FOXP4: variants seen among roughly 807,000 people sequenced by gnomAD.
The protein encoded by FOXP4 is forkhead box protein P4.
A neutral mutation model predicts 82.6 loss-of-function variants in FOXP4; 25 were observed. That is an observed-to-expected ratio of 0.30 (90% CI 0.22 to 0.42). The LOEUF (loss-of-function observed/expected upper bound fraction) is 0.42, where lower values mean the gene tolerates loss of function less well. Among genes scored for constraint, FOXP4 ranks in the 10% least tolerant of loss-of-function variants. The probability of loss-of-function intolerance (pLI) is 1.00; values close to 1 mark genes in which losing one functional copy is unlikely to be tolerated. For missense variants in FOXP4, 785 were observed against 900.9 expected, an observed-to-expected ratio of 0.87 and a Z score of 1.65; for synonymous variants, 415 against 388.2, an observed-to-expected ratio of 1.07 and a Z score of -0.81.
chr6:41,557,162 C>T (rs762211540), intron 1 of FOXP4, among the ~76,000 whole-genome samples: 1 of 152,150 alleles, frequency 6.6e-6, no homozygotes, highest in Non-Finnish European at 1.5e-5. Context: ...TTCGACAGGG[C>T]CTGTAGTGTT....
intron 2 of FOXP4, among the ~76,000 whole-genome samples, chr6:41,571,993 A>G (rs1378005463): frequency 6.6e-6 from 1 of 152,168 alleles, no homozygotes; most frequent in African/African-American, 2.4e-5. Context: ...TCCATTGTTT[A>G]CCAGCAGTAA....
chr6:41,546,602 G>T lies in FOXP4; in HGVS notation c.-282G>T, dbSNP rs2127291504. ...TCCGGGAGCCCGGGAGCCGGAGCGA[G>T]CTGACGAGCGTCGCGGAAGGACCGG... On this transcript the variant is annotated 5_prime_UTR_variant, in exon 1 of 17. Coordinates refer to ENST00000307972, the MANE Select transcript of FOXP4 (RefSeq NM_001012426.2). 1 of 148,766 alleles carries T rather than the reference G, an allele frequency of 6.7e-6. No homozygotes were observed. The highest frequency in any genetic ancestry group is 1.5e-5 in the Non-Finnish European group (1 of 66,528). 9.2% of individuals were successfully genotyped at this position (148,766 alleles called of 1,614,324 possible).
At chr6:41,552,771 GT>G (rs1275119447) in intron 1 of FOXP4, among the ~76,000 whole-genome samples, 2 of 152,142 alleles carry the variant, frequency 1.3e-5, no homozygotes, top group African/African-American at 4.8e-5. Context: ...GCATGGCAGT[GT>G]TTAGCCACAG....
chr6:41,592,940 TC>T (rs1766602446), intron 13 of FOXP4, among the ~76,000 whole-genome samples: 1 of 152,104 alleles, frequency 6.6e-6, no homozygotes, highest in Non-Finnish European at 1.5e-5. Flanking sequence ...TAGTCTAGGG[TC>T]CAGTAAGAAG....
intron 2 of FOXP4, 53 bp from the exon 3 acceptor site, chr6:41,577,933 C>A: frequency 7.1e-7 from 1 of 1,413,726 alleles, no homozygotes; most frequent in Admixed American, 1.7e-5. Context: ...TCCCTAATCC[C>A]TGGATCCCAC....
At chr6:41,551,632 A>G (rs1469148112) in intron 1 of FOXP4, among the ~76,000 whole-genome samples, 1 of 152,210 alleles carries the variant, frequency 6.6e-6, no homozygotes, top group Non-Finnish European at 1.5e-5. Flanking sequence ...ATGTAAATGG[A>G]AAATGGGGCG....
At chr6:41,561,367 T>C (rs1224339274) in intron 1 of FOXP4, among the ~76,000 whole-genome samples, 1 of 152,150 alleles carries the variant, frequency 6.6e-6, no homozygotes, top group African/African-American at 2.4e-5. Context: ...ATGGAAAGTC[T>C]GGGGTGGGGG....
rs1767179964 is a variant in FOXP4, at chr6:41,600,716, C to CGT, written c.*1782_*1783dup. The CGT allele has an allele frequency of 6.6e-6, 1 of 152,322 alleles. No individual in the cohort carries two copies. Among genetic ancestry groups the CGT allele is most frequent in the Admixed American group, 6.5e-5 (1 of 15,276 alleles). The allele number at this position is 152,322 out of a possible 1,614,324, so 9.4% of individuals were successfully genotyped here. On this transcript the variant is annotated 3_prime_UTR_variant, in exon 17 of 17. Transcript: ENST00000307972. The stretch of plus-strand genomic sequence containing the variant: ...GGGAGCCTGGGCAGAGCAGCAGCAA[C>CGT]GTGAGGGTCGCTGTGGTGGTGGTTT...
At position 41,597,904 on chromosome 6, in the gene FOXP4, AGCAACG is replaced by A; in HGVS notation, c.1853_1858del (p.Asn618_Gly619del). 1.9e-6 allele frequency: 3 copies of A among 1,583,868 alleles called. No homozygotes were observed. Among genetic ancestry groups the A allele is most frequent in the Non-Finnish European group, 2.6e-6 (3 of 1,171,352 alleles). On this transcript the variant is annotated inframe_deletion, in exon 16 of 17. Transcript: ENST00000307972. ...GGGTGCCCCCGTGGAGCCGCTGCCC[AGCAACG>A]GCAGCAGCAGCCCTCCTCGCCTCTC... is the stretch of plus-strand genomic sequence containing the variant.
At chr6:41,572,786 G>A (rs1765274209) in intron 2 of FOXP4, among the ~76,000 whole-genome samples, 2 of 152,064 alleles carry the variant, frequency 1.3e-5, no homozygotes, top group Non-Finnish European at 2.9e-5. Flanking sequence ...CCTCCATCCT[G>A]CCCAGCCAGC....
At chr6:41,557,509 G>A (rs766740906) in intron 1 of FOXP4, among the ~76,000 whole-genome samples, 25 of 152,202 alleles carry the variant, frequency 1.6e-4, no homozygotes, top group South Asian at 2.1e-4. Flanking sequence ...AACTCTAGGG[G>A]ATTGGCTCAA....
In FOXP4 at chr6:41,588,637, C is replaced by T. The variant is rs1213247258; in HGVS notation, c.978-7C>T. The stretch of plus-strand genomic sequence containing the variant: ...CAACTTTCTCTCCTCCTCTCTTCCC[C>T]TTGAAGACACCTCAACACAGAGCAC... On this transcript the variant is annotated splice_region_variant and splice_polypyrimidine_tract_variant and intron_variant, in intron 8 of 16. Coordinates refer to ENST00000307972, the MANE Select transcript of FOXP4 (RefSeq NM_001012426.2). The T allele has an allele frequency of 3.1e-6, 5 of 1,614,044 alleles. No homozygotes were observed. The South Asian group carries it at 4.4e-5, about 14-fold the overall frequency.
At chr6:41,560,358 A>C (rs944541010) in intron 1 of FOXP4, among the ~76,000 whole-genome samples, 2 of 152,250 alleles carry the variant, frequency 1.3e-5, no homozygotes, top group Non-Finnish European at 2.9e-5. Flanking sequence ...TCAGGCTGTC[A>C]GCTGGGCCAC....
chr6:41,575,796 G>A (rs1765449468), intron 2 of FOXP4, among the ~76,000 whole-genome samples: 1 of 149,482 alleles, frequency 6.7e-6, no homozygotes, highest in Non-Finnish European at 1.5e-5. Flanking sequence ...GGGATCTGGA[G>A]TGTGTCATCT....
chr6:41,580,044 CTT>C (rs10644693), intron 3 of FOXP4, among the ~76,000 whole-genome samples: 19 of 131,874 alleles, frequency 1.4e-4, no homozygotes, highest in Non-Finnish European at 1.1e-4. Flanking sequence ...AGAACTCACA[CTT>C]TTTTTTTTTT....
Position 41,587,433 on chromosome 6 carries a change from C to G in FOXP4, c.793C>G (p.Pro265Ala). 1 of 1,572,570 alleles carries G rather than the reference C, an allele frequency of 6.4e-7. No homozygotes were observed. ...TAATATSFAA[P>A]PKVSPPLSHH... Reference sequence around the variant, plus strand: ...CGCCACCGCTACCTCGTTTGCCGCTCCCCCCAAGGTCTCACCCCCCCTCTC... The same window carrying G: ...CGCCACCGCTACCTCGTTTGCCGCTGCCCCCAAGGTCTCACCCCCCCTCTC... Residue 265 changes from proline (P) to alanine (A), a missense_variant, in exon 7 of 17, where the codon CCC becomes GCC. Pro to Ala is a conservative substitution (Grantham distance 27, BLOSUM62 -1). Around this residue, in one of 3 missense-constraint regions of FOXP4, gnomAD observed 570 missense variants for 634.0 expected, o/e 0.90. Transcript: ENST00000307972.
chr6:41,550,091 C>G (rs1257436040), intron 1 of FOXP4, among the ~76,000 whole-genome samples: 1 of 152,170 alleles, frequency 6.6e-6, no homozygotes, highest in Non-Finnish European at 1.5e-5. Flanking sequence ...GCTCCGTTGG[C>G]TGGAATGACC....
chr6:41,559,440 A>T (rs947766042), intron 1 of FOXP4, among the ~76,000 whole-genome samples: 1 of 152,210 alleles, frequency 6.6e-6, no homozygotes, highest in Non-Finnish European at 1.5e-5. Flanking sequence ...GAGAAGCATG[A>T]CTTTGTTCAT....
intron 1 of FOXP4, among the ~76,000 whole-genome samples, chr6:41,562,753 A>G (rs899933929): frequency 2.0e-5 from 3 of 152,230 alleles, no homozygotes; most frequent in Non-Finnish European, 4.4e-5. Context: ...ACTTGGAATC[A>G]GAGCAGGCAG....
Sources: gnomAD v4.1 joint callset for allele counts (sites outside exome capture counted in the v4.1 genomes callset) on GRCh38, gnomAD v4.1.1 for gene constraint, gnomAD v4.1.1 regional missense constraint, MANE v1.5 for transcripts, NCBI Gene and HGNC (gene_info 2026-07-23, HGNC 2026-07-21) for gene names.